CFAP276: variants seen among roughly 807,000 people sequenced by gnomAD.
CFAP276 encodes the protein cilia and flagella associated protein 276, also known as cilia- and flagella-associated protein 276.
the CFAP276 span, among the ~76,000 whole-genome samples, chr1:109,113,416 AAGAGAG>A: frequency 0.11 from 7,616 of 67,586 alleles, 551 homozygotes; most frequent in Non-Finnish European, 0.14. Context: ...GAGAGAGAGA[AAGAGAG>A]AGAGAGAGAG....
the CFAP276 span, chr1:109,108,065 A>G: frequency 1.6e-3 from 2,332 of 1,472,058 alleles, 38 homozygotes; most frequent in African/African-American, 0.023. Flanking sequence ...TATCCAGGAC[A>G]ACCTGGTTAT....
the CFAP276 span, among the ~76,000 whole-genome samples, chr1:109,113,463 AGAGAGG>A: frequency 1.3e-4 from 17 of 128,246 alleles, 2 homozygotes; most frequent in African/African-American, 4.7e-4. Context: ...AGAGAGAGAG[AGAGAGG>A]CCCACGTGCG....
chr1:109,110,869 C>T, the CFAP276 span, among the ~76,000 whole-genome samples: 7 of 152,300 alleles, frequency 4.6e-5, no homozygotes, highest in African/African-American at 1.7e-4. Flanking sequence ...CAGGATGCCC[C>T]ATTTCAGTGA....
the CFAP276 span, among the ~76,000 whole-genome samples, chr1:109,113,416 AAGAGAGAGAGAGAGAGAGAGAGAG>A: frequency 0.012 from 823 of 68,108 alleles, 36 homozygotes; most frequent in Middle Eastern, 0.069. Flanking sequence ...GAGAGAGAGA[AAGAGAGAGAGAGAGAGAGAGAGAG>A]AGAGAGAGAG....
the CFAP276 span, chr1:109,107,944 C>G: frequency 6.2e-7 from 1 of 1,608,798 alleles, no homozygotes; most frequent in Non-Finnish European, 8.5e-7. Flanking sequence ...TAGTAGGCAT[C>G]CCGCCTCATG....
the CFAP276 span, among the ~76,000 whole-genome samples, chr1:109,111,312 A>G: frequency 6.6e-6 from 1 of 152,134 alleles, no homozygotes; most frequent in Non-Finnish European, 1.5e-5. Context: ...ACAAAAAAAT[A>G]AAATAAGAAT....
the CFAP276 span, among the ~76,000 whole-genome samples, chr1:109,110,331 A>T: frequency 6.6e-6 from 1 of 152,016 alleles, no homozygotes; most frequent in Non-Finnish European, 1.5e-5. Context: ...CACCATTCCC[A>T]TACCCTCTTT....
the CFAP276 span, among the ~76,000 whole-genome samples, chr1:109,108,627 T>C: frequency 6.6e-6 from 1 of 152,142 alleles, no homozygotes; most frequent in African/African-American, 2.4e-5. Flanking sequence ...GGAAAAATGA[T>C]GAGCTTAGGT....
chr1:109,107,981 C>A, the CFAP276 span: 1 of 1,597,660 alleles, frequency 6.3e-7, no homozygotes, highest in Non-Finnish European at 8.5e-7. Context: ...TTGAGTTGAG[C>A]CGACTCCAGG....
chr1:109,113,420 G>GAGAGAGAGAGAA, the CFAP276 span, among the ~76,000 whole-genome samples: 1 of 43,248 alleles, frequency 2.3e-5, no homozygotes, highest in Non-Finnish European at 6.7e-5. Context: ...GAGAGAAAGA[G>GAGAGAGAGAGAA]AGAGAGAGAG....
chr1:109,113,811 C>G, the CFAP276 span: 5 of 971,132 alleles, frequency 5.1e-6, no homozygotes, highest in Non-Finnish European at 7.7e-6. Context: ...GTTCTTCACA[C>G]GAGCCCCGGG....
chr1:109,106,798 TG>T, the CFAP276 span: 1 of 1,096,770 alleles, frequency 9.1e-7, no homozygotes, highest in Middle Eastern at 2.2e-4. Context: ...CCAAAGATTT[TG>T]TTTATACAGA....
chr1:109,111,847 C>T, the CFAP276 span, among the ~76,000 whole-genome samples: 1 of 152,196 alleles, frequency 6.6e-6, no homozygotes, highest in Non-Finnish European at 1.5e-5. Flanking sequence ...CGGCACCCTG[C>T]ACACAACTCT....
the CFAP276 span, chr1:109,113,659 T>TG: frequency 6.2e-7 from 1 of 1,614,156 alleles, no homozygotes; most frequent in South Asian, 1.1e-5. Flanking sequence ...CGACGACGTC[T>TG]GGAGGGTGAT....
chr1:109,106,074 T>C, the CFAP276 span: 19 of 1,613,400 alleles, frequency 1.2e-5, no homozygotes, highest in African/African-American at 2.1e-4. Context: ...GTAGCCTCCA[T>C]TGGTGGCTGC....
chr1:109,113,167 A>T, the CFAP276 span, among the ~76,000 whole-genome samples: 5 of 152,110 alleles, frequency 3.3e-5, no homozygotes, highest in Non-Finnish European at 5.9e-5. Context: ...AGGCGGGCGG[A>T]TCGCTTAAGC....
the CFAP276 span, among the ~76,000 whole-genome samples, chr1:109,109,681 C>T: frequency 5.9e-5 from 9 of 151,376 alleles, no homozygotes; most frequent in South Asian, 8.4e-4. Context: ...GGATTACAGG[C>T]ATGTGCCACC....
the CFAP276 span, chr1:109,106,534 C>T: frequency 4.7e-5 from 76 of 1,613,670 alleles, no homozygotes; most frequent in Admixed American, 1.2e-3. Context: ...CTAACCCTTA[C>T]CTATGGATCC....
At chr1:109,112,840 C>T in the CFAP276 span, 1 of 1,228,870 alleles carries the variant, frequency 8.1e-7, no homozygotes, top group Non-Finnish European at 1.1e-6. Flanking sequence ...CAGAGGAGGG[C>T]GCCACCTGGC....
Sources: allele counts gnomAD v4.1 joint callset (sites outside exome capture counted in the v4.1 genomes callset), GRCh38; gene constraint gnomAD v4.1.1; transcripts MANE v1.5; gene names NCBI Gene and HGNC (gene_info 2026-07-23, HGNC 2026-07-21).